PROS1: variants seen among roughly 807,000 people sequenced by gnomAD.
The protein encoded by PROS1 is vitamin K-dependent protein S.
A neutral mutation model predicts 75.9 loss-of-function variants in PROS1; 29 were observed. The ratio of observed to expected loss-of-function variants is 0.38; its 90% CI spans 0.28 to 0.52. The LOEUF (loss-of-function observed/expected upper bound fraction) is 0.52. PROS1 is among the 20% of genes least tolerant of loss of function. The pLI, the probability that PROS1 is intolerant of heterozygous loss-of-function variation, is 0.83. For synonymous variants in PROS1, 245 were observed against 280.6 expected (o/e 0.87, Z 1.27); for missense variants, 680 against 810.3 (o/e 0.84, Z 1.95).
intron 1 of PROS1, 63 bp from the exon 2 acceptor site, chr3:93,927,470 T>TA: frequency 6.7e-7 from 1 of 1,496,892 alleles, no homozygotes; most frequent in Admixed American, 1.8e-5. Context: ...ATTGTTTTAT[T>TA]AAACAATAAG....
At chr3:93,951,017 A>G (rs1709486468) in intron 1 of PROS1, among the ~76,000 whole-genome samples, 1 of 152,204 alleles carries the variant, frequency 6.6e-6, no homozygotes, top group Non-Finnish European at 1.5e-5. Flanking sequence ...CAAATGAATG[A>G]AATGAAGTGA....
At chr3:93,967,276 G>A (rs1449062527) in intron 1 of PROS1, among the ~76,000 whole-genome samples, 1 of 152,202 alleles carries the variant, frequency 6.6e-6, no homozygotes, top group Non-Finnish European at 1.5e-5. Flanking sequence ...CTTCCATCAT[G>A]GAGGAGCAGC....
At chr3:93,880,872 T>G (rs2107131502) in intron 12 of PROS1, among the ~76,000 whole-genome samples, 1 of 152,346 alleles carries the variant, frequency 6.6e-6, no homozygotes. Context: ...AGGATTTTTT[T>G]CCTTTGGCCA....
At chr3:93,944,920 C>T (rs909773782) in intron 1 of PROS1, among the ~76,000 whole-genome samples, 1 of 151,510 alleles carries the variant, frequency 6.6e-6, no homozygotes, top group Non-Finnish European at 1.5e-5. Context: ...AAGAAGATTG[C>T]AAGACTAATA....
rs181075354 is a variant in PROS1, at chr3:93,913,103, C to T, written c.260-2398G>A. ...GGTGGAGGTAATTGAATCAGGGGGG[C>T]GATTTTCCCCATGCTGTTCTCATGA... On this transcript the variant is annotated intron_variant, in intron 3 of 14. Coordinates refer to ENST00000394236, the MANE Select transcript of PROS1 (RefSeq NM_000313.4). Among the ~76,000 whole-genome samples, 27 of 152,234 alleles carry T rather than the reference C, an allele frequency of 1.8e-4. No homozygotes were observed. In the East Asian group the frequency reaches 3.7e-3, roughly 21 times the overall value.
intron 1 of PROS1, 133 bp downstream of exon 1, chr3:93,973,541 C>A: frequency 1.1e-6 from 1 of 891,484 alleles, no homozygotes; most frequent in Non-Finnish European, 1.8e-6. Flanking sequence ...TTTCCATCCG[C>A]TGGGTGTCTG....
At chr3:93,948,233 C>T (rs1362223141) in intron 1 of PROS1, among the ~76,000 whole-genome samples, 1 of 151,728 alleles carries the variant, frequency 6.6e-6, no homozygotes, top group African/African-American at 2.4e-5. Flanking sequence ...ATTTTAAAAT[C>T]TGTAGCTAAT....
At chr3:93,969,913 G>C (rs1380906751) in intron 1 of PROS1, among the ~76,000 whole-genome samples, 1 of 152,126 alleles carries the variant, frequency 6.6e-6, no homozygotes, top group Non-Finnish European at 1.5e-5. Flanking sequence ...ATATAAACTT[G>C]ATGAACAGAA....
intron 6 of PROS1, among the ~76,000 whole-genome samples, chr3:93,904,312 G>A (rs1297106198): frequency 6.6e-6 from 1 of 152,056 alleles, no homozygotes; most frequent in Non-Finnish European, 1.5e-5. Flanking sequence ...ATGATTTATA[G>A]TCCTTTGGGT....
At chr3:93,937,094 G>T (rs1709195193) in intron 1 of PROS1, among the ~76,000 whole-genome samples, 1 of 152,146 alleles carries the variant, frequency 6.6e-6, no homozygotes, top group East Asian at 1.9e-4. Context: ...CCGAGTTGTA[G>T]AAGGAAGGGC....
intron 1 of PROS1, chr3:93,973,437 G>C: frequency 1.9e-6 from 1 of 520,930 alleles, no homozygotes; most frequent in East Asian, 3.4e-5. Context: ...GTGTCATCTA[G>C]GTTCTTAGAT....
At chr3:93,880,864 G>A (rs978606667) in intron 12 of PROS1, among the ~76,000 whole-genome samples, 3 of 151,774 alleles carry the variant, frequency 2.0e-5, no homozygotes, top group African/African-American at 7.3e-5. Flanking sequence ...ACCTTTTCAG[G>A]ATTTTTTTCC....
intron 11 of PROS1, 92 bp from the exon 12 acceptor site, chr3:93,884,988 C>A: frequency 8.9e-7 from 1 of 1,117,434 alleles, no homozygotes; most frequent in South Asian, 1.5e-5. Context: ...GAAAAAAAAT[C>A]CTTTCTTTGA....
chr3:93,903,757 A>G (rs996224504), intron 6 of PROS1, among the ~76,000 whole-genome samples: 1 of 152,214 alleles, frequency 6.6e-6, no homozygotes, highest in African/African-American at 2.4e-5. Flanking sequence ...TGTTTACAAA[A>G]TGCATATGGT....
chr3:93,936,515 G>A (rs1709186450), intron 1 of PROS1, among the ~76,000 whole-genome samples: 1 of 152,120 alleles, frequency 6.6e-6, no homozygotes, highest in Admixed American at 6.5e-5. Flanking sequence ...TAGCTCTGTT[G>A]TGCTTTCTCT....
intron 2 of PROS1, among the ~76,000 whole-genome samples, chr3:93,926,251 A>G (rs950760165): frequency 6.6e-6 from 1 of 152,198 alleles, no homozygotes. Flanking sequence ...TATTACACTG[A>G]TCTCTCTACT....
At chr3:93,950,407 A>T (rs1182392282) in intron 1 of PROS1, among the ~76,000 whole-genome samples, 1 of 152,202 alleles carries the variant, frequency 6.6e-6, no homozygotes, top group Non-Finnish European at 1.5e-5. Flanking sequence ...CTGACCCCCA[A>T]GTAGCTTAAC....
chr3:93,932,212 C>G (rs1323032301), intron 1 of PROS1, among the ~76,000 whole-genome samples: 1 of 152,204 alleles, frequency 6.6e-6, no homozygotes, highest in African/African-American at 2.4e-5. Flanking sequence ...TTTACATTAT[C>G]TCCTTTAATC....
intron 1 of PROS1, among the ~76,000 whole-genome samples, chr3:93,933,210 C>A (rs1318356284): frequency 6.6e-6 from 1 of 152,142 alleles, no homozygotes; most frequent in African/African-American, 2.4e-5. Flanking sequence ...ATATAGAGAA[C>A]CACCAGTTGA....
Sources: gnomAD v4.1 joint callset for allele counts (sites outside exome capture counted in the v4.1 genomes callset) on GRCh38, gnomAD v4.1.1 for gene constraint, MANE v1.5 for transcripts, NCBI Gene and HGNC (gene_info 2026-07-23, HGNC 2026-07-21) for gene names.